The following PIK3R5 variants were observed in gnomAD, a reference collection of about 807,000 sequenced individuals.
The protein encoded by PIK3R5 is phosphoinositide 3-kinase regulatory subunit 5.
PIK3R5 carries 32 observed loss-of-function variants against 94.9 expected under a neutral mutation model. That is an observed-to-expected ratio of 0.34 (90% CI 0.25 to 0.45). The LOEUF is 0.45. PIK3R5 is among the 20% of genes least tolerant of loss of function. The pLI, the probability that PIK3R5 is intolerant of heterozygous loss-of-function variation, is 1.00. For missense variants in PIK3R5, 853 were observed against 1,144.6 expected, an observed-to-expected ratio of 0.75 and a Z score of 3.68; for synonymous variants, 443 against 479.4, an observed-to-expected ratio of 0.92 and a Z score of 0.99.
chr17:8,898,385 G>A (rs976077172), intron 5 of PIK3R5, among the ~76,000 whole-genome samples: 6 of 152,206 alleles, frequency 3.9e-5, no homozygotes, highest in Non-Finnish European at 7.3e-5. Context: ...GGGGGAGAGC[G>A]TTTATAAAAA....
intron 5 of PIK3R5, among the ~76,000 whole-genome samples, chr17:8,902,992 C>T (rs572501702): frequency 4.4e-4 from 67 of 151,984 alleles, no homozygotes; most frequent in African/African-American, 1.6e-3. Context: ...ATTACAGGCT[C>T]ATGCCACCAC....
At chr17:8,905,502 A>G (rs889086264) in intron 4 of PIK3R5, among the ~76,000 whole-genome samples, 167 bp downstream of exon 4, 2 of 152,128 alleles carry the variant, frequency 1.3e-5, no homozygotes, top group African/African-American at 4.8e-5. Flanking sequence ...GAAGCCTCTC[A>G]TGGTGGCTGC....
At chr17:8,897,508 C>A (rs899664889) in intron 5 of PIK3R5, among the ~76,000 whole-genome samples, 1 of 152,186 alleles carries the variant, frequency 6.6e-6, no homozygotes, top group Non-Finnish European at 1.5e-5. Flanking sequence ...GAGATGAGAC[C>A]TTTCATAACA....
intron 11 of PIK3R5, 143 bp from the exon 12 acceptor site, chr17:8,887,364 T>C: frequency 7.4e-7 from 1 of 1,354,792 alleles, no homozygotes; most frequent in South Asian, 1.4e-5. Context: ...GTCTTTGTCA[T>C]ATGGCAAAAT....
At chr17:8,916,439 C>T (rs903367472) in intron 1 of PIK3R5, 2 of 152,144 alleles carry the variant, frequency 1.3e-5, no homozygotes, top group African/African-American at 4.8e-5. Flanking sequence ...TTGAGAGGAG[C>T]TCCCATTGTA....
rs915395642 is a variant in PIK3R5, at chr17:8,893,509, G to C, written c.482+77C>G. On this transcript the variant is annotated intron_variant, in intron 6 of 18. Transcript: ENST00000447110. The surrounding 1 kb of genome is among the most constrained non-coding windows in gnomAD (Gnocchi z 5.1). ...GGGGGCACTGGATGTTTGAGTGGGG[G>C]AGGAGGGTGAAGGTGGAACAGTGCA... 8.8e-7 allele frequency: 1 copy of C among 1,140,884 alleles called. No homozygotes were observed. The highest frequency in any genetic ancestry group is 1.5e-5 in the African/African-American group (1 of 65,714). The allele number at this position is 1,140,884 out of a possible 1,614,324, so 70.7% of individuals were successfully genotyped here. A position where few individuals can be genotyped will look rare whatever the true frequency, so the allele number is the denominator to read the frequency against.
Position 8,892,037 on chromosome 17 carries a change from T to G in PIK3R5, c.483-1125A>C, listed in dbSNP as rs2090039688. On this transcript the variant is annotated intron_variant, in intron 6 of 18. Transcript: ENST00000447110. The surrounding 1 kb of genome is among the most constrained non-coding windows in gnomAD (Gnocchi z 4.3). ...CCAACCCCTCCATCACTGCATGACC[T>G]CGAAGCAAATTCGAGCCATGGCGGC... Among the ~76,000 whole-genome samples, 1 of 152,160 alleles carries G rather than the reference T, an allele frequency of 6.6e-6. No individual in the cohort carries two copies.
intron 10 of PIK3R5, among the ~76,000 whole-genome samples, chr17:8,887,947 G>A (rs2089911909): frequency 6.7e-6 from 1 of 150,208 alleles, no homozygotes; most frequent in Non-Finnish European, 1.5e-5. Flanking sequence ...GTTGCAGTGA[G>A]CCGAGATCAT....
At chr17:8,960,394 C>T (rs2091541498) in intron 1 of PIK3R5, among the ~76,000 whole-genome samples, 1 of 152,210 alleles carries the variant, frequency 6.6e-6, no homozygotes, top group African/African-American at 2.4e-5. Flanking sequence ...CCATAATTCT[C>T]ACAATTGTAA....
intron 1 of PIK3R5, among the ~76,000 whole-genome samples, chr17:8,942,216 C>T (rs1247123095): frequency 6.6e-6 from 1 of 152,156 alleles, no homozygotes; most frequent in Admixed American, 6.5e-5. Context: ...GGGCTGAAAT[C>T]AGTCTAGTGA....
chr17:8,923,907 C>G (rs2090805830), intron 1 of PIK3R5, among the ~76,000 whole-genome samples: 1 of 138,844 alleles, frequency 7.2e-6, no homozygotes, highest in Non-Finnish European at 1.6e-5. Flanking sequence ...CTCCCCTCCC[C>G]TTCCCTTCCC....
rs575181613 is a variant in PIK3R5 at position 8,947,148 on chromosome 17, C to A, written c.-14+18448G>T. Among the ~76,000 whole-genome samples, 15 of 145,858 alleles carry A rather than the reference C, an allele frequency of 1.0e-4. 1 individual carries two copies. Among genetic ancestry groups the A allele is most frequent in the African/African-American group, 3.9e-4 (14 of 35,544 alleles). Reference sequence around the variant, plus strand: ...ATACAGATGCGGCTTTTCTCGTGTGCATCAAAAAATGAACCTAGAGCCAAG... The same window carrying A: ...ATACAGATGCGGCTTTTCTCGTGTGAATCAAAAAATGAACCTAGAGCCAAG... On this transcript the variant is annotated intron_variant, in intron 1 of 18. Transcript: ENST00000447110.
chr17:8,886,899 A>T (rs1372832644), intron 12 of PIK3R5, among the ~76,000 whole-genome samples, 197 bp downstream of exon 12: 1 of 152,172 alleles, frequency 6.6e-6, no homozygotes, highest in African/African-American at 2.4e-5. Context: ...CCATCACTGC[A>T]GTGACCCCAG....
chr17:8,886,184 C>T (rs757336586), intron 14 of PIK3R5, 45 bp downstream of exon 14: 62 of 1,477,050 alleles, frequency 4.2e-5, no homozygotes, highest in Non-Finnish European at 5.5e-5. Flanking sequence ...CGTTTCGCGT[C>T]CCAGGCCCCG....
chr17:8,962,566 A>G (rs1033959513), intron 1 of PIK3R5, among the ~76,000 whole-genome samples: 5 of 152,228 alleles, frequency 3.3e-5, no homozygotes, highest in Non-Finnish European at 4.4e-5. Context: ...TCGCTAACAC[A>G]TCCCCCAAAT....
chr17:8,927,565 G>A (rs2151437144), intron 1 of PIK3R5, among the ~76,000 whole-genome samples: 1 of 152,330 alleles, frequency 6.6e-6, no homozygotes, highest in African/African-American at 2.4e-5. Context: ...GCCTAGCAGG[G>A]AGTCAAGACT....
At chr17:8,891,597 C>CT (rs564434517) in intron 6 of PIK3R5, among the ~76,000 whole-genome samples, 6,229 of 140,562 alleles carry the variant, frequency 0.044, 195 homozygotes, top group African/African-American at 0.06. Context: ...GAACCTTTCT[C>CT]TTTTTTTTTT....
At chr17:8,962,076 G>A (rs1157075868) in intron 1 of PIK3R5, among the ~76,000 whole-genome samples, 1 of 152,214 alleles carries the variant, frequency 6.6e-6, no homozygotes, top group Non-Finnish European at 1.5e-5. Context: ...CACCACTTAG[G>A]CTTGGTCAAT....
At chr17:8,887,957 T>C (rs1285783652) in intron 10 of PIK3R5, among the ~76,000 whole-genome samples, 1 of 149,700 alleles carries the variant, frequency 6.7e-6, no homozygotes, top group Admixed American at 6.7e-5. Context: ...GCCGAGATCA[T>C]GCCACTGCAC....
Sources: allele counts gnomAD v4.1 joint callset (sites outside exome capture counted in the v4.1 genomes callset), GRCh38; gene constraint gnomAD v4.1.1; non-coding constraint Gnocchi (gnomAD v3.1); transcripts MANE v1.5; gene names NCBI Gene and HGNC (gene_info 2026-07-23, HGNC 2026-07-21).